Variants in GNAI2 observed in about 807,000 individuals in gnomAD.
The protein encoded by GNAI2 is G protein subunit alpha i2.
A neutral mutation model predicts 36.8 loss-of-function variants in GNAI2; 4 were observed. The observed-to-expected ratio is 0.11, with a 90% CI of 0.05 to 0.25. The LOEUF is 0.25. GNAI2 is among the 10% of genes least tolerant of loss of function. GNAI2 has a pLI of 1.00. For missense variants in GNAI2, 230 were observed against 481.3 expected (o/e 0.48, Z 4.89); for synonymous variants, 194 against 194.1 (o/e 1.00, Z 0.01).
rs782205110 is a variant in GNAI2 at position 50,241,775 on chromosome 3, G to A, written c.118+5322G>A. Among the ~76,000 whole-genome samples, 8 of 152,226 alleles carry A rather than the reference G, an allele frequency of 5.3e-5. No individual in the cohort carries two copies. The highest frequency in any genetic ancestry group is 1.2e-4 in the Non-Finnish European group (8 of 68,030). On this transcript the variant is annotated intron_variant, in intron 1 of 8. Transcript: ENST00000313601. The surrounding 1 kb of genome is among the most constrained non-coding windows in gnomAD (Gnocchi z 5.0). ...CCACCCACTATGTGTCAGAGCCTAGGCTGCTGGATGGGGCCTGGGGATGGT... is the reference window on the plus strand; with the variant it reads ...CCACCCACTATGTGTCAGAGCCTAGACTGCTGGATGGGGCCTGGGGATGGT...
In GNAI2 at chr3:50,251,883, T is replaced by C. The variant is rs1026028155; in HGVS notation, c.119-217T>C. On this transcript the variant is annotated intron_variant, in intron 1 of 8. Coordinates refer to ENST00000313601, the MANE Select transcript of GNAI2 (RefSeq NM_002070.4). Reference sequence around the variant, plus strand: ...GCAAAGGCCTGCAGAGAGTCTGCCATGGGGCACAGGTGCTCTAGGTTACCT... The same window carrying C: ...GCAAAGGCCTGCAGAGAGTCTGCCACGGGGCACAGGTGCTCTAGGTTACCT... 2.4e-5 allele frequency: 25 copies of C among 1,046,948 alleles called. No homozygotes were observed. The East Asian group carries it at 6.2e-4, about 26-fold the overall frequency. 64.9% of individuals were successfully genotyped at this position (1,046,948 alleles called of 1,614,324 possible). A position where few individuals can be genotyped will look rare whatever the true frequency, so the allele number is the denominator to read the frequency against.
rs1553702533 is a variant in GNAI2 at position 50,252,084 on chromosome 3, G to T, written c.119-16G>T. ...CTCTGGGCCTGCCCCCTGACCACCT[G>T]TGCCCTCTGTTCCAGGTGCTGGGGA... On this transcript the variant is annotated splice_polypyrimidine_tract_variant and intron_variant, in intron 1 of 8. Transcript: ENST00000313601. The surrounding 1 kb of genome is among the most constrained non-coding windows in gnomAD (Gnocchi z 4.1). The T allele has an allele frequency of 5.0e-6, 8 of 1,613,134 alleles. 1 individual carries two copies. The South Asian group carries it at 8.8e-5, about 18-fold the overall frequency.
chr3:50,248,498 T>C (rs57453427), intron 1 of GNAI2, among the ~76,000 whole-genome samples: 16,904 of 152,176 alleles, frequency 0.11, 2,175 homozygotes, highest in African/African-American at 0.32. Context: ...GATGCCATCC[T>C]GGGGCTCCAC....
At chr3:50,248,239 C>T (rs1427751288) in intron 1 of GNAI2, among the ~76,000 whole-genome samples, 1 of 152,006 alleles carries the variant, frequency 6.6e-6, no homozygotes, top group African/African-American at 2.4e-5. Flanking sequence ...AGCAACAGAG[C>T]GAGACTGTGT....
rs2109183826 is a variant in GNAI2 at position 50,238,178 on chromosome 3, T to C, written c.118+1725T>C. 6.6e-6 allele frequency: 1 copy of C among 152,334 alleles called. No individual in the cohort carries two copies. The highest frequency in any genetic ancestry group is 1.9e-4 in the East Asian group (1 of 5,190). The allele number at this position is 152,334 out of a possible 1,614,324, so 9.4% of individuals were successfully genotyped here. On this transcript the variant is annotated intron_variant, in intron 1 of 8. Coordinates refer to ENST00000313601, the MANE Select transcript of GNAI2 (RefSeq NM_002070.4). This position sits in a 1 kb window ranked among gnomAD's most constrained non-coding sequence, Gnocchi z 5.0. ...GAATGCCCGTCGCTGCTGCTGCTGC[T>C]GCCCGACGGGCCTGGGGAGGGCACT...
rs782557421 is a variant in GNAI2 at position 50,252,125 on chromosome 3, C to T, written c.144C>T (p.Thr48=). Residue 48 remains threonine (T), a synonymous_variant, in exon 2 of 9, where the codon ACC becomes ACT. Transcript: ENST00000313601. The surrounding 1 kb of genome is among the most constrained non-coding windows in gnomAD (Gnocchi z 4.1). Reference sequence around the variant, plus strand: ...GTGCTGGGGAGTCAGGGAAGAGCACCATCGTCAAGCAGATGAAGTAAGTGC... The same window carrying T: ...GTGCTGGGGAGTCAGGGAAGAGCACTATCGTCAAGCAGATGAAGTAAGTGC... ...LLGAGESGKS[T]IVKQMKIIHE... The T allele has an allele frequency of 1.4e-5, 23 of 1,613,642 alleles. No individual in the cohort carries two copies. In the East Asian group the frequency reaches 4.9e-4, roughly 34 times the overall value.
chr3:50,227,314 C>A (rs928050749), upstream of GNAI2: 101 of 492,430 alleles, frequency 2.1e-4, no homozygotes, highest in Non-Finnish European at 3.0e-4. The surrounding 1 kb of genome is among the most constrained non-coding windows in gnomAD (Gnocchi z 5.9). Flanking sequence ...TGCAGCTCTG[C>A]GGAGACCGGG....
At chr3:50,256,682 C>G (rs1700711217) in intron 5 of GNAI2, 41 bp from the exon 6 acceptor site, 2 of 1,607,144 alleles carry the variant, frequency 1.2e-6, no homozygotes, top group South Asian at 2.2e-5. Flanking sequence ...AAAGCCTCCC[C>G]CAGGCTCCCT....
In GNAI2 at chr3:50,253,482, C is replaced by A. The variant is rs1419129020; in HGVS notation, c.464+298C>A. On this transcript the variant is annotated intron_variant, in intron 4 of 8. Coordinates refer to ENST00000313601, the MANE Select transcript of GNAI2 (RefSeq NM_002070.4). The surrounding 1 kb of genome is among the most constrained non-coding windows in gnomAD (Gnocchi z 4.2). ...ATTTGCGGCCGGGCGTGGTGGCTCA[C>A]GCCTGTAATCCCAGCACTTTGGGAG... 6.6e-6 allele frequency among the ~76,000 whole-genome samples: 1 copy of A among 152,102 alleles called. No individual in the cohort carries two copies. Among genetic ancestry groups the A allele is most frequent in the Non-Finnish European group, 1.5e-5 (1 of 68,018 alleles).
At chr3:50,235,137 C>T (rs1700136319), upstream of GNAI2, 1 of 152,302 alleles carries the variant, frequency 6.6e-6, no homozygotes, top group East Asian at 1.9e-4. Context: ...CTCTTCCTCC[C>T]TCTCCACCCT....
chr3:50,256,584 G>A (rs1700709274), intron 5 of GNAI2, 139 bp from the exon 6 acceptor site: 5 of 929,276 alleles, frequency 5.4e-6, no homozygotes, highest in Non-Finnish European at 1.7e-6. Flanking sequence ...CAGGGGTGAA[G>A]TGGGCAAGTG....
chr3:50,256,888 C>T (rs782051114), intron 6 of GNAI2, 36 bp downstream of exon 6: 20 of 1,613,452 alleles, frequency 1.2e-5, no homozygotes, highest in African/African-American at 4.0e-5. Context: ...GTGGGGGCAG[C>T]GGGCTTGGGG....
At chr3:50,250,440 T>C (rs182111510) in intron 1 of GNAI2, among the ~76,000 whole-genome samples, 60 of 152,282 alleles carry the variant, frequency 3.9e-4, no homozygotes, top group Admixed American at 3.2e-3. Context: ...GTGATCAGAA[T>C]TGGGACACTG....
At position 50,252,494 on chromosome 3, in the gene GNAI2, G is replaced by A; in HGVS notation, c.259G>A (p.Ala87Thr). 1 of 1,613,730 alleles carries A rather than the reference G, an allele frequency of 6.2e-7. No homozygotes were observed. The highest frequency in any genetic ancestry group is 8.5e-7 in the Non-Finnish European group (1 of 1,179,884). ...TIQSIMAIVKAMGNLQIDFAD... is the reference protein window; with the variant it reads ...TIQSIMAIVKTMGNLQIDFAD... ...CCAGTCCATCATGGCCATTGTCAAA[G>A]CCATGGGCAACCTGCAGATCGACTT... is the stretch of plus-strand genomic sequence containing the variant. The change falls in exon 3 of 9, where the codon GCC becomes ACC. Residue 87 changes from alanine to threonine, a missense_variant. Transcript: ENST00000313601. The surrounding 1 kb of genome is among the most constrained non-coding windows in gnomAD (Gnocchi z 4.1).
intron 1 of GNAI2, chr3:50,239,687 C>G (rs1700258024): frequency 6.6e-6 from 1 of 152,276 alleles, no homozygotes. Context: ...GTTCTTCAGG[C>G]TGTTTCTTCC....
At chr3:50,248,333 C>A (rs1700469293) in intron 1 of GNAI2, among the ~76,000 whole-genome samples, 1 of 152,146 alleles carries the variant, frequency 6.6e-6, no homozygotes, top group South Asian at 2.1e-4. Context: ...CACAGATAAG[C>A]CTCTTGCCAG....
rs1700668544 is a variant in GNAI2 at position 50,255,456 on chromosome 3, A to G, written c.465-736A>G. ...CAGGCCCCAACCTGTCCAGCACCAC[A>G]TCGAGGGACCGCACCCGGCTGCTCT... On this transcript the variant is annotated intron_variant, in intron 4 of 8. Transcript: ENST00000313601. This position sits in a 1 kb window ranked among gnomAD's most constrained non-coding sequence, Gnocchi z 4.0. Among the ~76,000 whole-genome samples the G allele has an allele frequency of 6.6e-6, 1 of 152,206 alleles. No individual in the cohort carries two copies. The highest frequency in any genetic ancestry group is 1.5e-5 in the Non-Finnish European group (1 of 68,026).
intron 7 of GNAI2, 93 bp downstream of exon 7, chr3:50,257,183 G>A (rs1700722983): frequency 1.2e-5 from 13 of 1,080,238 alleles, no homozygotes; most frequent in Non-Finnish European, 1.5e-5. Context: ...CCCCCCACTG[G>A]ACAGAAGTGT....
At chr3:50,234,696 C>T (rs1700129783), upstream of GNAI2, among the ~76,000 whole-genome samples, 1 of 152,176 alleles carries the variant, frequency 6.6e-6, no homozygotes, top group African/African-American at 2.4e-5. Context: ...ATGCTAAACA[C>T]CGGGCTGTTG....
Sources: gnomAD v4.1 joint callset for allele counts (sites outside exome capture counted in the v4.1 genomes callset) on GRCh38, gnomAD v4.1.1 for gene constraint, Gnocchi (gnomAD v3.1) non-coding constraint, MANE v1.5 for transcripts, NCBI Gene and HGNC (gene_info 2026-07-23, HGNC 2026-07-21) for gene names.